Variants in CAMTA1 observed in about 807,000 individuals in gnomAD.
CAMTA1 encodes the protein calmodulin binding transcription activator 1.
CAMTA1 carries 27 observed loss-of-function variants against 170.9 expected under a neutral mutation model. That is an observed-to-expected ratio of 0.16 (90% CI 0.12 to 0.22). CAMTA1 has a LOEUF of 0.22. CAMTA1 is among the 10% of genes least tolerant of loss of function. The pLI is 1.00. For synonymous variants in CAMTA1, 833 were observed against 891.5 expected (o/e 0.93, Z 1.17); for missense variants, 1,619 against 2,217.2 (o/e 0.73, Z 5.42).
Position 6,842,441 on chromosome 1 carries a change from T to C in CAMTA1, c.234+17231T>C, listed in dbSNP as rs538554395. On this transcript the variant is annotated intron_variant, in intron 3 of 22. Coordinates refer to ENST00000303635, the MANE Select transcript of CAMTA1 (RefSeq NM_015215.4). ...TCACCAGGACAGATTTGTAAACATA[T>C]CACGACCTGGGCCCTACCACAAACT... Among the ~76,000 whole-genome samples the C allele has an allele frequency of 3.9e-5, 6 of 152,300 alleles. No homozygotes were observed. The Middle Eastern group carries it at 0.01, about 259-fold the overall frequency.
In CAMTA1 at chr1:7,642,754, C is replaced by T. The variant is rs1215667619; in HGVS notation, c.664+2201C>T. On this transcript the variant is annotated intron_variant, in intron 7 of 22. Transcript: ENST00000303635. The surrounding 1 kb of genome is among the most constrained non-coding windows in gnomAD (Gnocchi z 6.3). The stretch of plus-strand genomic sequence containing the variant: ...CCCTCTACACAGCCCCAGACCAATG[C>T]CCCACCCTCTCTGCACCCCAGTACC... 6.6e-6 allele frequency among the ~76,000 whole-genome samples: 1 copy of T among 152,120 alleles called. No individual in the cohort carries two copies. The highest frequency in any genetic ancestry group is 1.5e-5 in the Non-Finnish European group (1 of 68,012).
chr1:7,392,690 A>G (rs1356814510), intron 5 of CAMTA1, among the ~76,000 whole-genome samples: 2 of 151,948 alleles, frequency 1.3e-5, no homozygotes, highest in African/African-American at 4.8e-5. Flanking sequence ...CCTGGGCAAC[A>G]TGGCAAAACC....
chr1:6,801,820 A>C (rs996320864), intron 1 of CAMTA1, among the ~76,000 whole-genome samples: 18 of 151,970 alleles, frequency 1.2e-4, no homozygotes, highest in African/African-American at 4.4e-4. Context: ...ACATTAAAAA[A>C]AAAAAAAAGT....
intron 6 of CAMTA1, among the ~76,000 whole-genome samples, chr1:7,610,890 G>C (rs2095519195): frequency 6.6e-6 from 1 of 152,230 alleles, no homozygotes; most frequent in African/African-American, 2.4e-5. Flanking sequence ...CAGCATGAGG[G>C]GCAAAGGCCA....
rs189292419 is a variant in CAMTA1 at position 7,393,318 on chromosome 1, G to A, written c.439-74512G>A. 2.9e-3 allele frequency among the ~76,000 whole-genome samples: 435 copies of A among 152,238 alleles called. 2 individuals carry two copies. Among genetic ancestry groups the A allele is most frequent in the African/African-American group, 0.01 (421 of 41,534 alleles). ...CCTACTCTGTTACCCAGGCTGGAGT[G>A]CAGTGGTGTGACCACCAGCTCACTG... On this transcript the variant is annotated intron_variant, in intron 5 of 22. Transcript: ENST00000303635.
chr1:6,850,072 C>CGGGG (rs1464891452), intron 3 of CAMTA1, among the ~76,000 whole-genome samples: 1 of 151,130 alleles, frequency 6.6e-6, no homozygotes, highest in African/African-American at 2.4e-5. Context: ...TTTAGGTCCC[C>CGGGG]ACCTCATGCC....
intron 6 of CAMTA1, among the ~76,000 whole-genome samples, chr1:7,591,682 GC>G (rs2095356240): frequency 6.6e-6 from 1 of 152,248 alleles, no homozygotes; most frequent in East Asian, 1.9e-4. Flanking sequence ...TACCACTCTG[GC>G]CAGAATGCGC....
At chr1:7,164,930 T>G (rs148132263) in intron 4 of CAMTA1, among the ~76,000 whole-genome samples, 216 of 152,382 alleles carry the variant, frequency 1.4e-3, no homozygotes, top group African/African-American at 5.0e-3. Context: ...AGGAGTATCC[T>G]GCATTAGAAT....
Position 7,680,861 on chromosome 1 carries a change from CCAG to C in CAMTA1, c.2914+3148_2914+3150del, listed in dbSNP as rs70987362. Among the ~76,000 whole-genome samples, 293 of 136,562 alleles carry C rather than the reference CCAG, an allele frequency of 2.1e-3. No individual in the cohort carries two copies. Among genetic ancestry groups the C allele is most frequent in the African/African-American group, 7.2e-3 (271 of 37,692 alleles). 89.6% of individuals were successfully genotyped at this position (136,562 alleles called of 152,430 possible). On this transcript the variant is annotated intron_variant, in intron 11 of 22. Coordinates refer to ENST00000303635, the MANE Select transcript of CAMTA1 (RefSeq NM_015215.4). The surrounding 1 kb of genome is among the most constrained non-coding windows in gnomAD (Gnocchi z 4.4). The stretch of plus-strand genomic sequence containing the variant: ...GAGAACACGCGCGCGCGCGCGCGCG[CCAG>C]CAGCAGCAGCAGCAGCAGCTGCTGC...
chr1:6,818,852 G>A (rs1263030249), intron 1 of CAMTA1, among the ~76,000 whole-genome samples: 3 of 151,426 alleles, frequency 2.0e-5, no homozygotes, highest in Admixed American at 2.0e-4. Flanking sequence ...TGTTATCCAG[G>A]CTGGTCTTTA....
intron 5 of CAMTA1, among the ~76,000 whole-genome samples, chr1:7,319,138 T>C (rs7543711): frequency 0.75 from 114,029 of 152,082 alleles, 43,839 homozygotes; most frequent in African/African-American, 0.91. Flanking sequence ...TAATTACTTA[T>C]GTACATTTGT....
rs1261996276 is a variant in CAMTA1 at position 7,510,834 on chromosome 1, T to C, written c.510+42933T>C. On this transcript the variant is annotated intron_variant, in intron 6 of 22. Coordinates refer to ENST00000303635, the MANE Select transcript of CAMTA1 (RefSeq NM_015215.4). ...CATCCCAGTTCATAAACACACACTG[T>C]AATTCCTACTTTTGTTTGAGAGCAT... is the stretch of plus-strand genomic sequence containing the variant. Among the ~76,000 whole-genome samples the C allele has an allele frequency of 1.4e-5, 2 of 144,922 alleles. 1 individual carries two copies. Among genetic ancestry groups the C allele is most frequent in the East Asian group, 4.4e-4 (2 of 4,556 alleles).
chr1:6,849,152 AGG>A (rs1158587128), intron 3 of CAMTA1, among the ~76,000 whole-genome samples: 1 of 152,196 alleles, frequency 6.6e-6, no homozygotes, highest in Non-Finnish European at 1.5e-5. Context: ...TTCACGGTGA[AGG>A]AGAGGAGAAA....
chr1:7,454,095 G>C (rs943917137), intron 5 of CAMTA1, among the ~76,000 whole-genome samples: 1 of 152,218 alleles, frequency 6.6e-6, no homozygotes, highest in South Asian at 2.1e-4. Context: ...GGGGAGCTCT[G>C]ACTCTGTCCC....
intron 3 of CAMTA1, among the ~76,000 whole-genome samples, chr1:7,075,662 ATT>A (rs60585573): frequency 0.21 from 27,120 of 130,454 alleles, 2,628 homozygotes; most frequent in Middle Eastern, 0.3. Context: ...AATCTCAGTG[ATT>A]TTTTTTTTTT....
At position 7,617,722 on chromosome 1, in the gene CAMTA1, G is replaced by C. The variant is rs74540370; in HGVS notation, c.511-22678G>C. Among the ~76,000 whole-genome samples the C allele has an allele frequency of 3.8e-3, 435 of 113,906 alleles. 1 individual carries two copies. Among genetic ancestry groups the C allele is most frequent in the African/African-American group, 0.014 (423 of 29,486 alleles). The allele number at this position is 113,906 out of a possible 152,430, so 74.7% of individuals were successfully genotyped here. A position where few individuals can be genotyped will look rare whatever the true frequency, so the allele number is the denominator to read the frequency against. The stretch of plus-strand genomic sequence containing the variant: ...CCCCACCCCCATGCATACACATAAG[G>C]TCTAAGGTACTATTTCCAGAGGACC... On this transcript the variant is annotated intron_variant, in intron 6 of 22. Transcript: ENST00000303635.
intron 4 of CAMTA1, among the ~76,000 whole-genome samples, chr1:7,169,674 G>A (rs1234960078): frequency 2.6e-5 from 4 of 152,084 alleles, no homozygotes; most frequent in Non-Finnish European, 5.9e-5. Context: ...ACCACACTCA[G>A]CTGATTTTTG....
chr1:7,716,324 C>T (rs1390982726), intron 11 of CAMTA1, among the ~76,000 whole-genome samples: 1 of 152,154 alleles, frequency 6.6e-6, no homozygotes. Context: ...AGACACTGTG[C>T]CCAGCTAATA....
intron 6 of CAMTA1, among the ~76,000 whole-genome samples, chr1:7,581,733 G>A (rs1413131916): frequency 6.6e-6 from 1 of 152,260 alleles, no homozygotes. Context: ...CTGGCACTGG[G>A]AGGCTGCTAG....
Sources: gnomAD v4.1 joint callset for allele counts (sites outside exome capture counted in the v4.1 genomes callset) on GRCh38, gnomAD v4.1.1 for gene constraint, Gnocchi (gnomAD v3.1) non-coding constraint, MANE v1.5 for transcripts, NCBI Gene and HGNC (gene_info 2026-07-23, HGNC 2026-07-21) for gene names.